CTIF: variants seen among roughly 807,000 people sequenced by gnomAD.
The protein encoded by CTIF is cap binding complex dependent translation initiation factor.
CTIF carries 21 observed loss-of-function variants against 66.0 expected under a neutral mutation model. The observed-to-expected ratio is 0.32, with a 90% CI of 0.23 to 0.46. The LOEUF (loss-of-function observed/expected upper bound fraction) is 0.46, where lower values mean the gene tolerates loss of function less well. Among genes scored for constraint, CTIF ranks in the 20% least tolerant of loss-of-function variants. CTIF has a pLI of 1.00. For missense variants in CTIF, 739 were observed against 812.7 expected, an observed-to-expected ratio of 0.91 and a Z score of 1.10; for synonymous variants, 345 against 326.4, an observed-to-expected ratio of 1.06 and a Z score of -0.62.
intron 9 of CTIF, among the ~76,000 whole-genome samples, chr18:48,791,670 G>A (rs543882265): frequency 5.6e-4 from 85 of 152,298 alleles, no homozygotes; most frequent in Middle Eastern, 6.8e-3. Context: ...AGCCTGCCCC[G>A]TCTCAACCGT....
At chr18:48,645,799 C>T (rs1451910746) in intron 3 of CTIF, among the ~76,000 whole-genome samples, 4 of 152,222 alleles carry the variant, frequency 2.6e-5, no homozygotes, top group Admixed American at 2.0e-4. Context: ...CTCCCACCTC[C>T]ACCCAGCGGT....
At chr18:48,843,135 CCT>C (rs370016919) in intron 10 of CTIF, among the ~76,000 whole-genome samples, 3 of 152,160 alleles carry the variant, frequency 2.0e-5, no homozygotes, top group Non-Finnish European at 4.4e-5. Context: ...CAAACTATCC[CCT>C]GTCTCAAGGA....
intron 7 of CTIF, among the ~76,000 whole-genome samples, chr18:48,738,757 T>A (rs1157493480): frequency 6.6e-6 from 1 of 152,194 alleles, no homozygotes; most frequent in African/African-American, 2.4e-5. Flanking sequence ...TTCTCCATGG[T>A]GCATTTGTTC....
chr18:48,718,109 A>G (rs774880573), intron 7 of CTIF, among the ~76,000 whole-genome samples: 4 of 152,182 alleles, frequency 2.6e-5, no homozygotes, highest in African/African-American at 4.8e-5. Flanking sequence ...TCAAAAAAGG[A>G]CATAGATTTG....
intron 1 of CTIF, among the ~76,000 whole-genome samples, chr18:48,552,330 C>T (rs1173563258): frequency 6.6e-6 from 1 of 152,220 alleles, no homozygotes; most frequent in Non-Finnish European, 1.5e-5. Flanking sequence ...CTGAACTGTG[C>T]CCTCTTGGCT....
intron 6 of CTIF, among the ~76,000 whole-genome samples, chr18:48,687,662 G>A (rs769004008): frequency 3.4e-4 from 52 of 152,312 alleles, no homozygotes; most frequent in Non-Finnish European, 6.2e-4. Flanking sequence ...GCACTGGTAC[G>A]CTGTTGGAGC....
chr18:48,558,314 G>A (rs1307777645), intron 1 of CTIF, among the ~76,000 whole-genome samples: 2 of 152,206 alleles, frequency 1.3e-5, no homozygotes, highest in African/African-American at 2.4e-5. Context: ...TGCTCTGCAG[G>A]AGGCTGAGTT....
At chr18:48,604,328 C>T (rs2090164634) in intron 1 of CTIF, among the ~76,000 whole-genome samples, 1 of 151,612 alleles carries the variant, frequency 6.6e-6, no homozygotes, top group African/African-American at 2.4e-5. Context: ...AGGCGCCTGC[C>T]ACCATGCCTG....
intron 1 of CTIF, among the ~76,000 whole-genome samples, chr18:48,541,347 G>C (rs1301742192): frequency 6.6e-6 from 1 of 152,184 alleles, no homozygotes; most frequent in African/African-American, 2.4e-5. Flanking sequence ...CGCGGCTAGA[G>C]CCTCCGTAGG....
Position 48,862,883 on chromosome 18 carries a change from ACT to A in CTIF, c.*3328_*3329del, listed in dbSNP as rs1480403820. On this transcript the variant is annotated 3_prime_UTR_variant, in exon 12 of 12. Coordinates refer to ENST00000256413, the MANE Select transcript of CTIF (RefSeq NM_014772.3). ...CCCGTGTTCCTTGTCAGACAGACAGACTCTCAGGCCTGCCTGGGGAGTCGTGT... is the reference window on the plus strand; with the variant it reads ...CCCGTGTTCCTTGTCAGACAGACAGACTCAGGCCTGCCTGGGGAGTCGTGT... 6.6e-6 allele frequency: 1 copy of A among 151,882 alleles called. No homozygotes were observed. The highest frequency in any genetic ancestry group is 6.6e-5 in the Admixed American group (1 of 15,262). 9.4% of individuals were successfully genotyped at this position (151,882 alleles called of 1,614,324 possible).
chr18:48,779,828 T>C (rs1911043727), intron 9 of CTIF, among the ~76,000 whole-genome samples: 1 of 152,186 alleles, frequency 6.6e-6, no homozygotes, highest in Non-Finnish European at 1.5e-5. Context: ...CCTTCATGAT[T>C]CGTGAATGCA....
At chr18:48,674,330 C>T (rs2091590200) in intron 6 of CTIF, among the ~76,000 whole-genome samples, 1 of 152,234 alleles carries the variant, frequency 6.6e-6, no homozygotes, top group Non-Finnish European at 1.5e-5. Context: ...GTACACCCCA[C>T]CTTCCTCCCC....
chr18:48,842,380 A>T (rs1200870214), intron 10 of CTIF, among the ~76,000 whole-genome samples: 1 of 152,170 alleles, frequency 6.6e-6, no homozygotes, highest in Non-Finnish European at 1.5e-5. Context: ...CCCGTTTCAT[A>T]GAACGCAGGC....
At chr18:48,750,134 A>G (rs987393247) in intron 7 of CTIF, among the ~76,000 whole-genome samples, 11 of 152,154 alleles carry the variant, frequency 7.2e-5, no homozygotes, top group Non-Finnish European at 1.5e-4. Context: ...GCTTCATTTC[A>G]TTGTAGCCTC....
chr18:48,710,409 G>A (rs183051234), intron 6 of CTIF, among the ~76,000 whole-genome samples: 1 of 152,314 alleles, frequency 6.6e-6, no homozygotes, highest in East Asian at 1.9e-4. Context: ...ATACCCAGGT[G>A]TCCCAGGTCC....
At chr18:48,804,969 G>C (rs755597147) in intron 9 of CTIF, among the ~76,000 whole-genome samples, 2 of 152,216 alleles carry the variant, frequency 1.3e-5, no homozygotes, top group Admixed American at 6.5e-5. Flanking sequence ...TTGTACTGAT[G>C]AGTTCTTTTT....
chr18:48,697,141 G>A (rs2092019866), intron 6 of CTIF, among the ~76,000 whole-genome samples: 1 of 152,228 alleles, frequency 6.6e-6, no homozygotes, highest in South Asian at 2.1e-4. Context: ...GATCCAGTAA[G>A]AATGGCCCAA....
chr18:48,633,735 A>G (rs1233108147), intron 2 of CTIF, among the ~76,000 whole-genome samples: 1 of 151,830 alleles, frequency 6.6e-6, no homozygotes, highest in Non-Finnish European at 1.5e-5. Flanking sequence ...AAATAAATAA[A>G]TAAATGTACA....
At chr18:48,675,167 GAC>G (rs2091606152) in intron 6 of CTIF, among the ~76,000 whole-genome samples, 1 of 152,046 alleles carries the variant, frequency 6.6e-6, no homozygotes, top group African/African-American at 2.4e-5. Context: ...CAGACACTGA[GAC>G]ACACACTTGG....
Sources: allele counts gnomAD v4.1 joint callset (sites outside exome capture counted in the v4.1 genomes callset), GRCh38; gene constraint gnomAD v4.1.1; transcripts MANE v1.5; gene names NCBI Gene and HGNC (gene_info 2026-07-23, HGNC 2026-07-21).